The following DIP2C variants were observed in gnomAD, a reference collection of about 807,000 sequenced individuals.
DIP2C encodes the protein DIP2 acetate--CoA ligase C (putative).
DIP2C carries 33 observed loss-of-function variants against 192.4 expected under a neutral mutation model. The observed-to-expected ratio is 0.17, with a 90% CI of 0.13 to 0.23. The LOEUF (loss-of-function observed/expected upper bound fraction) is 0.23, where lower values mean the gene tolerates loss of function less well. Among genes scored for constraint, DIP2C ranks in the 10% least tolerant of loss-of-function variants. The pLI, the probability that DIP2C is intolerant of heterozygous loss-of-function variation, is 1.00. For synonymous variants in DIP2C, 979 were observed against 864.1 expected (o/e 1.13, Z -2.33); for missense variants, 1,537 against 2,110.1 (o/e 0.73, Z 5.32).
chr10:339,333 G>A (rs973540083), intron 29 of DIP2C, among the ~76,000 whole-genome samples: 1 of 151,960 alleles, frequency 6.6e-6, no homozygotes, highest in African/African-American at 2.4e-5. Context: ...TTTGACTGTT[G>A]CAAGGGCAAT....
At chr10:393,599 T>C (rs911585001) in intron 10 of DIP2C, among the ~76,000 whole-genome samples, 2 of 151,914 alleles carry the variant, frequency 1.3e-5, no homozygotes, top group Non-Finnish European at 2.9e-5. Context: ...CCAGCATGGC[T>C]AAACCCCAAT....
At chr10:568,800 C>CAAAAAAAAAAAAA (rs1554739052) in intron 1 of DIP2C, among the ~76,000 whole-genome samples, 1 of 9,514 alleles carries the variant, frequency 1.1e-4, no homozygotes, top group Non-Finnish European at 2.5e-4. Context: ...AAAAAAAAAC[C>CAAAAAAAAAAAAA]TTCACTTGAT....
chr10:505,376 T>C (rs1468700710), intron 1 of DIP2C, among the ~76,000 whole-genome samples: 1 of 152,192 alleles, frequency 6.6e-6, no homozygotes, highest in Non-Finnish European at 1.5e-5. Context: ...CAGGGGCATC[T>C]CCACCTTCTA....
chr10:680,903 AC>A (rs1381253209), intron 1 of DIP2C, among the ~76,000 whole-genome samples: 6 of 146,356 alleles, frequency 4.1e-5, no homozygotes, highest in Admixed American at 3.4e-4. Context: ...GGGAATGCAG[AC>A]CCCAGTTGCC....
intron 24 of DIP2C, among the ~76,000 whole-genome samples, chr10:352,410 T>C (rs1305750311): frequency 1.3e-5 from 2 of 152,246 alleles, no homozygotes; most frequent in African/African-American, 2.4e-5. Context: ...CTTTCAGGGC[T>C]GACATAAAAA....
At chr10:280,564 G>C (rs1283438764) in intron 36 of DIP2C, among the ~76,000 whole-genome samples, 1 of 152,202 alleles carries the variant, frequency 6.6e-6, no homozygotes, top group African/African-American at 2.4e-5. Context: ...CACCTCAGAA[G>C]AACCTACTGC....
intron 4 of DIP2C, among the ~76,000 whole-genome samples, chr10:435,003 G>C (rs1334861439): frequency 6.6e-6 from 1 of 152,122 alleles, no homozygotes; most frequent in African/African-American, 2.4e-5. Context: ...CGTGTTTCTG[G>C]AGCTTCCTGA....
At chr10:569,187 C>T (rs972865879) in intron 1 of DIP2C, among the ~76,000 whole-genome samples, 6 of 152,194 alleles carry the variant, frequency 3.9e-5, no homozygotes, top group African/African-American at 1.2e-4. Context: ...CAGAGACTTC[C>T]GTGGCCCACA....
intron 1 of DIP2C, among the ~76,000 whole-genome samples, chr10:639,877 T>TAA (rs1855068882): frequency 6.6e-6 from 1 of 152,210 alleles, no homozygotes; most frequent in Non-Finnish European, 1.5e-5. Flanking sequence ...TGATGCTGCT[T>TAA]AAAGCGTATT....
intron 1 of DIP2C, among the ~76,000 whole-genome samples, chr10:562,528 A>G (rs1849277364): frequency 6.6e-6 from 1 of 152,248 alleles, no homozygotes; most frequent in Admixed American, 6.5e-5. Flanking sequence ...AATTCTGTAC[A>G]TTCACTCTCA....
At chr10:554,770 G>GAGT (rs1310889207) in intron 1 of DIP2C, among the ~76,000 whole-genome samples, 4 of 152,192 alleles carry the variant, frequency 2.6e-5, no homozygotes, top group Non-Finnish European at 5.9e-5. Flanking sequence ...TGGCAGTGGG[G>GAGT]AGTGAGTCCT....
chr10:686,783 C>T (rs975875361), intron 1 of DIP2C, among the ~76,000 whole-genome samples: 1 of 152,258 alleles, frequency 6.6e-6, no homozygotes, highest in Admixed American at 6.5e-5. Flanking sequence ...GGAAGTGCCC[C>T]TGCAGCCCTG....
rs140481600 is a variant in DIP2C at position 569,343 on chromosome 10, C to T, written c.86-82813G>A. The stretch of plus-strand genomic sequence containing the variant: ...TGAACAACCCTCAATGGAGATGCAC[C>T]ATCCTGTGTTTAACACAGATTTGAG... On this transcript the variant is annotated intron_variant, in intron 1 of 36. Transcript: ENST00000280886. Among the ~76,000 whole-genome samples, 204 of 152,260 alleles carry T rather than the reference C, an allele frequency of 1.3e-3. 2 individuals are homozygous for T. The highest frequency in any genetic ancestry group is 4.7e-3 in the African/African-American group (196 of 41,534).
At chr10:646,317 A>G (rs1399016655) in intron 1 of DIP2C, among the ~76,000 whole-genome samples, 1 of 127,410 alleles carries the variant, frequency 7.8e-6, no homozygotes, top group South Asian at 2.9e-4. Flanking sequence ...AGCCTCCCCC[A>G]GGCTCTCCAC....
chr10:392,824 ACACACACG>A (rs1344683386), intron 10 of DIP2C, among the ~76,000 whole-genome samples: 1,534 of 152,044 alleles, frequency 0.01, 32 homozygotes, highest in African/African-American at 0.035. Context: ...GCGCACACAC[ACACACACG>A]CCCACGCACA....
At chr10:382,512 T>C (rs1171069941) in intron 17 of DIP2C, 135 bp downstream of exon 17, 2 of 648,474 alleles carry the variant, frequency 3.1e-6, no homozygotes, top group Non-Finnish European at 2.7e-6. Context: ...AAAACAGAAA[T>C]AAACTCATCT....
At chr10:335,467 G>A (rs1310041812) in intron 29 of DIP2C, among the ~76,000 whole-genome samples, 1 of 152,214 alleles carries the variant, frequency 6.6e-6, no homozygotes, top group Admixed American at 6.5e-5. Context: ...CAATTACCCA[G>A]TTTGCACAGG....
intron 1 of DIP2C, among the ~76,000 whole-genome samples, chr10:625,164 C>G (rs1443425823): frequency 6.6e-6 from 1 of 152,180 alleles, no homozygotes; most frequent in Non-Finnish European, 1.5e-5. Context: ...TTTACGCTGA[C>G]AATTACAAAC....
In DIP2C at chr10:402,022, T is replaced by C. The variant is rs536999241; in HGVS notation, c.1150-2803A>G. Reference sequence around the variant, plus strand: ...TGGTAGCATTAGCATTACTCTTCCTTATGGACAAGTTTGGTATGTGTTCAT... The same window carrying C: ...TGGTAGCATTAGCATTACTCTTCCTCATGGACAAGTTTGGTATGTGTTCAT... On this transcript the variant is annotated intron_variant, in intron 9 of 36. Coordinates refer to ENST00000280886, the MANE Select transcript of DIP2C (RefSeq NM_014974.3). Among the ~76,000 whole-genome samples the C allele has an allele frequency of 4.0e-3, 494 of 124,310 alleles. 6 individuals are homozygous for C. The highest frequency in any genetic ancestry group is 0.015 in the African/African-American group (466 of 31,958). The allele number at this position is 124,310 out of a possible 152,430, so 81.6% of individuals were successfully genotyped here. A position where few individuals can be genotyped will look rare whatever the true frequency, so the allele number is the denominator to read the frequency against.
Sources: allele counts gnomAD v4.1 joint callset (sites outside exome capture counted in the v4.1 genomes callset), GRCh38; gene constraint gnomAD v4.1.1; transcripts MANE v1.5; gene names NCBI Gene and HGNC (gene_info 2026-07-23, HGNC 2026-07-21).